ARHGAP6: variants seen among roughly 807,000 people sequenced by gnomAD.
The protein encoded by ARHGAP6 is rho GTPase-activating protein 6.
In ARHGAP6, 16 loss-of-function variants were observed where a neutral mutation model predicts 55.7. The ratio of observed to expected loss-of-function variants is 0.29; its 90% CI spans 0.19 to 0.44. The LOEUF (loss-of-function observed/expected upper bound fraction) is 0.44, where lower values mean the gene tolerates loss of function less well. Ranked by LOEUF, ARHGAP6 falls within the 20% of genes least tolerant of loss-of-function variation. ARHGAP6 has a pLI of 1.00. For synonymous variants in ARHGAP6, 382 were observed against 360.9 expected, an observed-to-expected ratio of 1.06 and a Z score of -0.66; for missense variants, 698 against 808.9, an observed-to-expected ratio of 0.86 and a Z score of 1.66.
At chrX:11,600,424 T>C (rs1213527088) in intron 1 of ARHGAP6, among the ~76,000 whole-genome samples, 1 of 111,969 alleles carries the variant, frequency 8.9e-6, no homozygotes, top group Non-Finnish European at 1.9e-5. Context: ...ACAAAGTCTT[T>C]TATAAAATTT....
At chrX:11,444,067 T>G (rs2050068158) in intron 1 of ARHGAP6, among the ~76,000 whole-genome samples, 2 of 112,806 alleles carry the variant, frequency 1.8e-5, no homozygotes, top group Admixed American at 1.9e-4. Flanking sequence ...CTGCCCATTT[T>G]TTTCATTGAG....
intron 1 of ARHGAP6, among the ~76,000 whole-genome samples, chrX:11,538,084 T>C (rs910408279): frequency 8.9e-6 from 1 of 111,982 alleles, no homozygotes; most frequent in African/African-American, 3.2e-5. Context: ...TCCTTGTAAA[T>C]ATATGCTCAT....
intron 1 of ARHGAP6, among the ~76,000 whole-genome samples, chrX:11,480,864 A>T (rs748183476): frequency 2.7e-5 from 3 of 111,986 alleles, no homozygotes; most frequent in Admixed American, 9.5e-5. Context: ...CCTCTGCTGT[A>T]GTTCTCTTAT....
Position 11,428,770 on chromosome X carries a change from G to T in ARHGAP6, c.589-174063C>A, listed in dbSNP as rs1042154320. 2.7e-5 allele frequency among the ~76,000 whole-genome samples: 3 copies of T among 111,801 alleles called. No homozygotes were observed. The Admixed American group carries it at 2.8e-4, about 11-fold the overall frequency. ...GAATTTCAGCCCTTACAATTTAGTT[G>T]AATGAACCATCCACTGGCATGTAAT... On this transcript the variant is annotated intron_variant, in intron 1 of 12. Transcript: ENST00000337414.
intron 5 of ARHGAP6, among the ~76,000 whole-genome samples, chrX:11,183,812 G>A (rs2046350969): frequency 8.9e-6 from 1 of 112,072 alleles, no homozygotes; most frequent in Non-Finnish European, 1.9e-5. Context: ...TGATTTTATA[G>A]GGCAAGAATA....
rs930214580 is a variant in ARHGAP6 at position 11,184,358 on chromosome X, G to A, written c.1273+1878C>T. On this transcript the variant is annotated intron_variant, in intron 5 of 12. Coordinates refer to ENST00000337414, the MANE Select transcript of ARHGAP6 (RefSeq NM_013427.3). ...TTGCCTTGGCCTCCCAAAGTGTTGG[G>A]ATGACAGGCGTGAGCCACGGTGCCC... Among the ~76,000 whole-genome samples, 3 of 112,484 alleles carry A rather than the reference G, an allele frequency of 2.7e-5. No individual in the cohort carries two copies. The South Asian group carries it at 1.1e-3, about 41-fold the overall frequency.
intron 3 of ARHGAP6, among the ~76,000 whole-genome samples, chrX:11,190,473 A>ATATATACACACACATATATATG (rs1555967764): frequency 9.0e-5 from 9 of 100,368 alleles, no homozygotes; most frequent in African/African-American, 3.3e-4. Flanking sequence ...ATATATATAT[A>ATATATACACACACATATATATG]TATATATACA....
intron 1 of ARHGAP6, among the ~76,000 whole-genome samples, chrX:11,302,580 T>C (rs760350026): frequency 9.0e-5 from 10 of 111,672 alleles, no homozygotes; most frequent in Non-Finnish European, 1.5e-4. Context: ...TTCAAACTAA[T>C]AGTGCAACAT....
At chrX:11,585,180 A>G (rs989063956) in intron 1 of ARHGAP6, among the ~76,000 whole-genome samples, 1 of 112,211 alleles carries the variant, frequency 8.9e-6, no homozygotes, top group Non-Finnish European at 1.9e-5. Flanking sequence ...CCAGTCTATC[A>G]TTTATGGTCA....
intron 1 of ARHGAP6, among the ~76,000 whole-genome samples, chrX:11,395,304 G>A (rs1436015884): frequency 1.8e-5 from 2 of 111,575 alleles, no homozygotes; most frequent in Non-Finnish European, 3.8e-5. Context: ...AATGGGACCA[G>A]GAAATAGTAA....
chrX:11,564,787 A>C (rs2051425079), intron 1 of ARHGAP6, among the ~76,000 whole-genome samples: 2 of 111,838 alleles, frequency 1.8e-5, no homozygotes, highest in African/African-American at 3.3e-5. Flanking sequence ...GTTATGAATC[A>C]CATGACAAGT....
At chrX:11,540,258 GA>G (rs2051144488) in intron 1 of ARHGAP6, among the ~76,000 whole-genome samples, 2 of 56,545 alleles carry the variant, frequency 3.5e-5, no homozygotes, top group Non-Finnish European at 3.6e-5. Context: ...TGTCAAAAAA[GA>G]AAAAAAGGAA....
At chrX:11,371,783 T>C (rs908068327) in intron 1 of ARHGAP6, among the ~76,000 whole-genome samples, 1 of 112,508 alleles carries the variant, frequency 8.9e-6, no homozygotes, top group Non-Finnish European at 1.9e-5. Flanking sequence ...AAATAAATAC[T>C]AGTACTTGAG....
intron 1 of ARHGAP6, among the ~76,000 whole-genome samples, chrX:11,370,225 G>A (rs2049128906): frequency 8.9e-6 from 1 of 112,243 alleles, no homozygotes; most frequent in Admixed American, 9.4e-5. Flanking sequence ...TTTCCTAATT[G>A]GGTATCAGGT....
At chrX:11,495,725 G>A (rs2050615442) in intron 1 of ARHGAP6, among the ~76,000 whole-genome samples, 1 of 112,017 alleles carries the variant, frequency 8.9e-6, no homozygotes, top group African/African-American at 3.2e-5. Flanking sequence ...GCGTGAGCTG[G>A]TCTACCCAAA....
intron 1 of ARHGAP6, among the ~76,000 whole-genome samples, chrX:11,511,772 A>ACAG (rs1173981165): frequency 9.0e-6 from 1 of 111,405 alleles, no homozygotes; most frequent in Non-Finnish European, 1.9e-5. Context: ...GACCTGGGGA[A>ACAG]GTCAGAGCCC....
At chrX:11,529,540 C>A (rs752147449) in intron 1 of ARHGAP6, among the ~76,000 whole-genome samples, 22 of 111,853 alleles carry the variant, frequency 2.0e-4, no homozygotes, top group South Asian at 3.7e-4. Flanking sequence ...TCCTTACAGA[C>A]CTGCAAGGAC....
intron 1 of ARHGAP6, among the ~76,000 whole-genome samples, chrX:11,382,641 T>A (rs959658034): frequency 3.0e-4 from 33 of 111,651 alleles, no homozygotes; most frequent in African/African-American, 1.0e-3. Context: ...AGCTTCGTCA[T>A]CTTAGAATAA....
intron 1 of ARHGAP6, among the ~76,000 whole-genome samples, chrX:11,485,245 A>T (rs1296539330): frequency 8.9e-6 from 1 of 112,369 alleles, no homozygotes; most frequent in Non-Finnish European, 1.9e-5. Flanking sequence ...CTTGAAAGCC[A>T]CTGCAAGTTT....
Sources: allele counts gnomAD v4.1 joint callset (sites outside exome capture counted in the v4.1 genomes callset), GRCh38; gene constraint gnomAD v4.1.1; transcripts MANE v1.5; gene names NCBI Gene and HGNC (gene_info 2026-07-23, HGNC 2026-07-21).